The following AASDH variants were observed in gnomAD, a reference collection of about 807,000 sequenced individuals.
AASDH encodes the protein aminoadipate-semialdehyde dehydrogenase.
In AASDH, 81 loss-of-function variants were observed where a neutral mutation model predicts 102.3. The ratio of observed to expected loss-of-function variants is 0.79; its 90% confidence interval spans 0.66 to 0.95. The LOEUF is 0.95. Ranked by LOEUF, AASDH falls within the 40% of genes least tolerant of loss-of-function variation. The probability of loss-of-function intolerance (pLI) is 0.00; values close to 1 mark genes in which losing one functional copy is unlikely to be tolerated. For synonymous variants in AASDH, 398 were observed against 454.0 expected (o/e 0.88, Z 1.57); for missense variants, 1,203 against 1,266.2 (o/e 0.95, Z 0.76).
chr4:56,354,730 C>T lies in AASDH; in HGVS notation c.1185G>A (p.Gln395=), dbSNP rs1351352660. ...EVRDTNGFTI[Q]EGSGQVFLGG... The stretch of plus-strand genomic sequence containing the variant: ...CTAAAAATACTTGGCCACTGCCTTC[C>T]TGAATTGTGAAGCCATTAGTATCTC... Residue 395 remains glutamine (Q), a synonymous_variant, in exon 7 of 15, where the codon CAG becomes CAA. Transcript: ENST00000205214. 1 of 1,603,866 alleles carries T rather than the reference C, an allele frequency of 6.2e-7. No individual in the cohort carries two copies. Among genetic ancestry groups the T allele is most frequent in the African/African-American group, 1.3e-5 (1 of 74,474 alleles).
At chr4:56,353,731 C>T in intron 8 of AASDH, 135 bp from the exon 9 acceptor site, 2 of 811,898 alleles carry the variant, frequency 2.5e-6, no homozygotes, top group Admixed American at 3.4e-5. Context: ...TAAAAAATTG[C>T]TTTGCTACTG....
At position 56,384,238 on chromosome 4, in the gene AASDH, C is replaced by T. The variant is rs1753292967; in HGVS notation, c.62G>A (p.Cys21Tyr). The T allele has an allele frequency of 1.2e-6, 2 of 1,614,100 alleles. No individual in the cohort carries two copies. Among genetic ancestry groups the T allele is most frequent in the East Asian group, 4.5e-5 (2 of 44,858 alleles). ...AAGCTGGTTGTTGCATTCATCAAAA[C>T]ATACAGCTACTCTGTCCATATAACA... ...ASCYMDRVAV[C>Y]FDECNNQLPV... Residue 21 changes from cysteine to tyrosine, a missense_variant, in exon 2 of 15, where the codon TGT becomes TAT. Physicochemically the swap from Cys to Tyr is radical, Grantham distance 194. Coordinates refer to ENST00000205214, the MANE Select transcript of AASDH (RefSeq NM_181806.4).
chr4:56,360,686 C>T (rs1750185919), intron 5 of AASDH, among the ~76,000 whole-genome samples: 1 of 152,096 alleles, frequency 6.6e-6, no homozygotes, highest in Admixed American at 6.6e-5. Flanking sequence ...AATCTCTTCA[C>T]TTGGCCAGAG....
chr4:56,359,324 C>CACCTCCT (rs1560587401), intron 5 of AASDH, among the ~76,000 whole-genome samples: 1 of 151,588 alleles, frequency 6.6e-6, no homozygotes, highest in African/African-American at 2.4e-5. Flanking sequence ...CCACAACATC[C>CACCTCCT]GCCTCCTGCC....
chr4:56,357,182 A>G (rs1270198738), intron 5 of AASDH, among the ~76,000 whole-genome samples: 1 of 152,186 alleles, frequency 6.6e-6, no homozygotes, highest in African/African-American at 2.4e-5. Context: ...TATAACCAAA[A>G]TACTGTAGAC....
chr4:56,338,951 A>C (rs1040673378), intron 14 of AASDH, among the ~76,000 whole-genome samples, 160 bp from the exon 15 acceptor site: 6 of 152,206 alleles, frequency 3.9e-5, no homozygotes, highest in Non-Finnish European at 8.8e-5. Context: ...TAGCACTATC[A>C]TACTAGACCT....
chr4:56,385,777 T>C (rs1578096752), intron 1 of AASDH, among the ~76,000 whole-genome samples: 8 of 149,316 alleles, frequency 5.4e-5, no homozygotes, highest in Admixed American at 4.7e-4. Flanking sequence ...TTTGTTTTTG[T>C]TATTTTTTTT....
chr4:56,349,095 C>T (rs898384021), intron 11 of AASDH, 168 bp downstream of exon 11: 3 of 707,860 alleles, frequency 4.2e-6, no homozygotes, highest in East Asian at 2.7e-5. Context: ...AATCCAGGGA[C>T]TCTTGACCCC....
In AASDH at chr4:56,384,209, C is replaced by G; in HGVS notation, c.91G>C (p.Val31Leu). The change falls in exon 2 of 15, where the codon GTT becomes CTT. Residue 31 changes from valine to leucine, a missense_variant. Coordinates refer to ENST00000205214, the MANE Select transcript of AASDH (RefSeq NM_181806.4). ...ACCACAGTCTTGTAGGTGTAGTAAA[C>G]TGGAAGCTGGTTGTTGCATTCATCA... ...CFDECNNQLP[V>L]YYTYKTVVNA... is the part of the protein sequence containing the mutation. 6.2e-7 allele frequency: 1 copy of G among 1,614,128 alleles called. No individual in the cohort carries two copies. Among genetic ancestry groups the G allele is most frequent in the Non-Finnish European group, 8.5e-7 (1 of 1,180,014 alleles).
intron 13 of AASDH, 133 bp downstream of exon 13, chr4:56,343,429 T>C: frequency 1.8e-6 from 1 of 550,858 alleles, no homozygotes; most frequent in Non-Finnish European, 3.1e-6. Flanking sequence ...CAATCATTTT[T>C]AATGAATTCC....
At chr4:56,364,264 G>A (rs1047740519) in intron 5 of AASDH, among the ~76,000 whole-genome samples, 2 of 152,100 alleles carry the variant, frequency 1.3e-5, no homozygotes, top group Admixed American at 1.3e-4. Context: ...AAAGTGACAG[G>A]GAGAATGGAA....
chr4:56,374,938 A>G (rs974234299), intron 4 of AASDH, among the ~76,000 whole-genome samples: 22 of 152,208 alleles, frequency 1.4e-4, no homozygotes, highest in African/African-American at 5.3e-4. Context: ...CTTTAAATTA[A>G]TCCCCTGATT....
At chr4:56,367,937 C>T (rs1053121804) in intron 5 of AASDH, among the ~76,000 whole-genome samples, 2 of 152,030 alleles carry the variant, frequency 1.3e-5, no homozygotes, top group Non-Finnish European at 2.9e-5. Flanking sequence ...AGGCAACCTA[C>T]AGAATGGGAG....
At chr4:56,340,940 G>C (rs1747593072) in intron 14 of AASDH, among the ~76,000 whole-genome samples, 1 of 152,076 alleles carries the variant, frequency 6.6e-6, no homozygotes, top group Non-Finnish European at 1.5e-5. Context: ...CTAATGATCA[G>C]GGAAATGCAA....
chr4:56,378,404 C>A lies in AASDH; in HGVS notation c.412G>T (p.Asp138Tyr). 1 of 1,613,324 alleles carries A rather than the reference C, an allele frequency of 6.2e-7. No individual in the cohort carries two copies. The highest frequency in any genetic ancestry group is 1.1e-5 in the South Asian group (1 of 90,894). The change falls in exon 4 of 15, where the codon GAC (aspartate) becomes TAC (tyrosine). Residue 138 changes from aspartate to tyrosine, a missense_variant. Coordinates refer to ENST00000205214, the MANE Select transcript of AASDH (RefSeq NM_181806.4). Reference protein sequence around the residue: ...NYDTFTVEHNDLVLFRLHWKN... With the variant: ...NYDTFTVEHNYLVLFRLHWKN... ...CAGTGAAGTCTGAAGAGCACTAGGT[C>A]ATTATGTTCCACTGTAAATGTATCA... is the stretch of plus-strand genomic sequence containing the variant.
At chr4:56,348,965 G>A (rs1411969552) in intron 11 of AASDH, 1 of 413,550 alleles carries the variant, frequency 2.4e-6, no homozygotes, top group African/African-American at 2.0e-5. Flanking sequence ...TGGGGTATTT[G>A]TGATACAGCA....
intron 9 of AASDH, among the ~76,000 whole-genome samples, 186 bp downstream of exon 9, chr4:56,353,218 T>TA (rs1749202152): frequency 6.6e-6 from 1 of 152,132 alleles, no homozygotes; most frequent in Admixed American, 6.5e-5. Context: ...ATAGGAATAA[T>TA]ACCACCTATC....
At chr4:56,362,790 T>G (rs1750466389) in intron 5 of AASDH, among the ~76,000 whole-genome samples, 1 of 152,116 alleles carries the variant, frequency 6.6e-6, no homozygotes, top group African/African-American at 2.4e-5. Context: ...GCAGCTCCAG[T>G]CTACAGCTCC....
chr4:56,351,641 T>A (rs990751529), intron 9 of AASDH, among the ~76,000 whole-genome samples, 184 bp from the exon 10 acceptor site: 1 of 152,074 alleles, frequency 6.6e-6, no homozygotes, highest in Non-Finnish European at 1.5e-5. Context: ...GAGAAATAGA[T>A]GAGAAACAGG....
Sources: gnomAD v4.1 joint callset for allele counts (sites outside exome capture counted in the v4.1 genomes callset) on GRCh38, gnomAD v4.1.1 for gene constraint, MANE v1.5 for transcripts, NCBI Gene and HGNC (gene_info 2026-07-23, HGNC 2026-07-21) for gene names.